The following EPHA6 variants were observed in gnomAD, a reference collection of about 807,000 sequenced individuals.
EPHA6 encodes the protein EPH receptor A6.
A neutral mutation model predicts 112.0 loss-of-function variants in EPHA6; 50 were observed. The observed-to-expected ratio is 0.45, with a 90% CI of 0.36 to 0.56. The LOEUF is 0.56. EPHA6 is among the 20% of genes least tolerant of loss of function. The pLI is 0.00. For synonymous variants in EPHA6, 529 were observed against 490.7 expected (o/e 1.08, Z -1.03); for missense variants, 1,280 against 1,417.4 (o/e 0.90, Z 1.56).
intron 12 of EPHA6, among the ~76,000 whole-genome samples, chr3:97,607,485 G>A (rs1330457536): frequency 6.6e-6 from 1 of 151,162 alleles, no homozygotes; most frequent in Non-Finnish European, 1.5e-5. Flanking sequence ...CAGAATATCA[G>A]TAACTGATTT....
chr3:96,829,716 A>G (rs376560663), intron 1 of EPHA6, among the ~76,000 whole-genome samples: 2 of 152,124 alleles, frequency 1.3e-5, no homozygotes, highest in African/African-American at 4.8e-5. Context: ...TCTGCTGCCT[A>G]TCACCTTGTT....
At chr3:97,007,878 A>G (rs1300774995) in intron 3 of EPHA6, among the ~76,000 whole-genome samples, 1 of 152,150 alleles carries the variant, frequency 6.6e-6, no homozygotes, top group African/African-American at 2.4e-5. Flanking sequence ...GTTTGGCTGG[A>G]TATTAAATTC....
intron 3 of EPHA6, among the ~76,000 whole-genome samples, chr3:97,084,070 G>GTGTGTGTGTGTGTGTGTC (rs1455774838): frequency 5.9e-4 from 5 of 8,486 alleles, no homozygotes; most frequent in African/African-American, 9.7e-4. Flanking sequence ...TTCTTAAAGT[G>GTGTGTGTGTGTGTGTGTC]TGTGTGTGTG....
intron 15 of EPHA6, among the ~76,000 whole-genome samples, chr3:97,725,999 T>C (rs1233175534): frequency 6.6e-6 from 1 of 152,140 alleles, no homozygotes; most frequent in Non-Finnish European, 1.5e-5. Flanking sequence ...TTAGAGATAA[T>C]ATATGTAAAG....
intron 4 of EPHA6, among the ~76,000 whole-genome samples, chr3:97,238,671 G>A (rs2078752112): frequency 1.3e-5 from 2 of 151,762 alleles, no homozygotes; most frequent in Non-Finnish European, 2.9e-5. Context: ...TTCAATACAT[G>A]CTTACCAGGT....
intron 5 of EPHA6, among the ~76,000 whole-genome samples, chr3:97,325,252 T>C (rs2082362207): frequency 6.6e-6 from 1 of 152,078 alleles, no homozygotes; most frequent in Non-Finnish European, 1.5e-5. Flanking sequence ...AACAGAAATG[T>C]ATTTCTTGCC....
rs1577415569 is a variant in EPHA6, at chr3:97,439,220, A to G, written c.1732-9348A>G. On this transcript the variant is annotated intron_variant, in intron 6 of 17. Transcript: ENST00000389672. ...ATGCATTTCAAAGTGATTTGGGGTTATCTGTAATTTTGGATTACTGGGAAT... is the reference window on the plus strand; with the variant it reads ...ATGCATTTCAAAGTGATTTGGGGTTGTCTGTAATTTTGGATTACTGGGAAT... Among the ~76,000 whole-genome samples, 7 of 152,290 alleles carry G rather than the reference A, an allele frequency of 4.6e-5. No individual in the cohort carries two copies. In the South Asian group the frequency reaches 1.4e-3, roughly 32 times the overall value.
chr3:97,596,061 GCT>G (rs2093587634), intron 12 of EPHA6, among the ~76,000 whole-genome samples: 4 of 151,448 alleles, frequency 2.6e-5, no homozygotes, highest in African/African-American at 4.9e-5. Context: ...GCCCGCCACC[GCT>G]CCCGGCTAAT....
At chr3:97,371,778 C>A (rs146053208) in intron 5 of EPHA6, among the ~76,000 whole-genome samples, 4,521 of 152,048 alleles carry the variant, frequency 0.03, 213 homozygotes, top group African/African-American at 0.099. Flanking sequence ...AAGGAACAGC[C>A]CTGAGAAAGA....
At chr3:96,822,478 A>G (rs1360269104) in intron 1 of EPHA6, among the ~76,000 whole-genome samples, 2 of 151,814 alleles carry the variant, frequency 1.3e-5, no homozygotes, top group Admixed American at 1.3e-4. Flanking sequence ...TGTGCTTGAT[A>G]GATGTAATTG....
intron 14 of EPHA6, among the ~76,000 whole-genome samples, chr3:97,700,410 G>A (rs1029877202): frequency 7.2e-5 from 11 of 152,308 alleles, no homozygotes; most frequent in Admixed American, 5.2e-4. Context: ...TCCAGAAGTG[G>A]TAGAAGTCAC....
At chr3:97,376,136 A>G (rs2085335712) in intron 5 of EPHA6, among the ~76,000 whole-genome samples, 1 of 152,182 alleles carries the variant, frequency 6.6e-6, no homozygotes, top group Non-Finnish European at 1.5e-5. Flanking sequence ...TTTCACAAAT[A>G]AAAATAATAT....
At chr3:97,635,679 A>C (rs1467254726) in intron 13 of EPHA6, among the ~76,000 whole-genome samples, 1 of 152,064 alleles carries the variant, frequency 6.6e-6, no homozygotes, top group Non-Finnish European at 1.5e-5. Flanking sequence ...TTGCTAGTAA[A>C]GATGGGCCTT....
At chr3:97,461,742 T>C (rs541789271) in intron 7 of EPHA6, among the ~76,000 whole-genome samples, 22 of 152,198 alleles carry the variant, frequency 1.4e-4, no homozygotes, top group Non-Finnish European at 2.8e-4. Flanking sequence ...AGTTTTTGTT[T>C]AATTTATATA....
Position 96,848,954 on chromosome 3 carries a change from A to G in EPHA6, c.386-17871A>G, listed in dbSNP as rs556277112. Among the ~76,000 whole-genome samples the G allele has an allele frequency of 3.9e-4, 59 of 152,248 alleles. No homozygotes were observed. The South Asian group carries it at 5.2e-3, about 13-fold the overall frequency. On this transcript the variant is annotated intron_variant, in intron 1 of 17. Transcript: ENST00000389672. Reference sequence around the variant, plus strand: ...TAGATGTAATTTGGCTTTTTGGTCTATGTAACTTAACACAGTAACTGCTTT... The same window carrying G: ...TAGATGTAATTTGGCTTTTTGGTCTGTGTAACTTAACACAGTAACTGCTTT...
At chr3:97,315,990 C>T (rs540871829) in intron 5 of EPHA6, among the ~76,000 whole-genome samples, 3 of 151,792 alleles carry the variant, frequency 2.0e-5, no homozygotes, top group South Asian at 2.1e-4. Flanking sequence ...GCTGTGTCTA[C>T]GTAAAAAGGC....
At chr3:97,712,417 G>A (rs775666073) in intron 14 of EPHA6, among the ~76,000 whole-genome samples, 2 of 152,134 alleles carry the variant, frequency 1.3e-5, no homozygotes, top group Non-Finnish European at 2.9e-5. Context: ...TCTTTACCAT[G>A]CAGTATGTTT....
intron 2 of EPHA6, among the ~76,000 whole-genome samples, chr3:96,877,013 G>C (rs2037001073): frequency 6.6e-6 from 1 of 152,080 alleles, no homozygotes; most frequent in African/African-American, 2.4e-5. Flanking sequence ...CTCTGGGTCA[G>C]GTAGATGGCA....
At chr3:97,336,078 G>A (rs1047502787) in intron 5 of EPHA6, among the ~76,000 whole-genome samples, 3 of 152,120 alleles carry the variant, frequency 2.0e-5, no homozygotes, top group Admixed American at 6.6e-5. Flanking sequence ...GAACAACTTG[G>A]AGAGGTTTAG....
Sources: allele counts gnomAD v4.1 joint callset (sites outside exome capture counted in the v4.1 genomes callset), GRCh38; gene constraint gnomAD v4.1.1; transcripts MANE v1.5; gene names NCBI Gene and HGNC (gene_info 2026-07-23, HGNC 2026-07-21).